PRSS12: variants seen among roughly 807,000 people sequenced by gnomAD.
The protein encoded by PRSS12 is serine protease 12.
A neutral mutation model predicts 104.4 loss-of-function variants in PRSS12; 85 were observed. The ratio of observed to expected loss-of-function variants is 0.81; its 90% confidence interval spans 0.68 to 0.98. PRSS12 has a LOEUF of 0.98. PRSS12 is among the 50% of genes least tolerant of loss of function. PRSS12 has a pLI of 0.00. For synonymous variants in PRSS12, 454 were observed against 425.2 expected (o/e 1.07, Z -0.83); for missense variants, 1,141 against 1,139.2 (o/e 1.00, Z -0.02).
chr4:118,326,785 A>T (rs564733432), intron 4 of PRSS12, among the ~76,000 whole-genome samples: 6 of 152,224 alleles, frequency 3.9e-5, no homozygotes, highest in African/African-American at 1.4e-4. Context: ...ATATTGTGTA[A>T]TCTCAGTGGG....
At chr4:118,291,629 T>C (rs1033420535) in intron 11 of PRSS12, among the ~76,000 whole-genome samples, 1 of 152,176 alleles carries the variant, frequency 6.6e-6, no homozygotes. Context: ...CCTTTTCTCA[T>C]TGTGTGGCAC....
At chr4:118,336,223 C>CA (rs2126042078) in intron 2 of PRSS12, among the ~76,000 whole-genome samples, 2 of 152,256 alleles carry the variant, frequency 1.3e-5, no homozygotes, top group South Asian at 2.1e-4. Flanking sequence ...TATTTGCTAG[C>CA]AAGCCTTTGA....
rs930695533 is a variant in PRSS12, at chr4:118,352,954, C to G, written c.-234G>C. On this transcript the variant is annotated 5_prime_UTR_variant, in exon 1 of 13. Coordinates refer to ENST00000296498, the MANE Select transcript of PRSS12 (RefSeq NM_003619.4). ...CGGGTGGGGAAATCTGGAGCTCAGC[C>G]GAGCCCCGGCCGGCGGAGAGGACCG... The G allele has an allele frequency of 1.8e-6, 2 of 1,133,590 alleles. No homozygotes were observed. Among genetic ancestry groups the G allele is most frequent in the African/African-American group, 3.3e-5 (2 of 60,024 alleles). 70.2% of individuals were successfully genotyped at this position (1,133,590 alleles called of 1,614,324 possible).
intron 8 of PRSS12, among the ~76,000 whole-genome samples, chr4:118,303,110 T>G (rs1231803230): frequency 6.6e-6 from 1 of 151,976 alleles, no homozygotes; most frequent in Non-Finnish European, 1.5e-5. Flanking sequence ...TTTTTGAAAT[T>G]ATTAAGAAAG....
intron 4 of PRSS12, among the ~76,000 whole-genome samples, chr4:118,326,745 G>C (rs1367112756): frequency 1.3e-5 from 2 of 152,056 alleles, no homozygotes; most frequent in East Asian, 3.9e-4. Flanking sequence ...TAAACCTCAA[G>C]ACTCTGCCTC....
rs114403234 is a variant in PRSS12, at chr4:118,301,890, T to C, written c.1632-2952A>G. On this transcript the variant is annotated intron_variant, in intron 8 of 12. Coordinates refer to ENST00000296498, the MANE Select transcript of PRSS12 (RefSeq NM_003619.4). ...TAGGTGAACAATCATATTATTCATA[T>C]AAATATTCTGACCCTTCCTTTTCAA... Among the ~76,000 whole-genome samples, 362 of 152,338 alleles carry C rather than the reference T, an allele frequency of 2.4e-3. 2 individuals are homozygous for C. The highest frequency in any genetic ancestry group is 8.4e-3 in the African/African-American group (349 of 41,578).
intron 9 of PRSS12, 36 bp from the exon 10 acceptor site, chr4:118,295,892 A>T: frequency 6.4e-7 from 1 of 1,556,796 alleles, no homozygotes; most frequent in East Asian, 2.2e-5. Context: ...AAACTATCAC[A>T]TTGCTGACAG....
rs1742833086 is a variant in PRSS12 at position 118,280,994 on chromosome 4, T to C, written c.*942A>G. 6.6e-6 allele frequency: 1 copy of C among 152,244 alleles called. No homozygotes were observed. The highest frequency in any genetic ancestry group is 2.4e-5 in the African/African-American group (1 of 41,464). 9.4% of individuals were successfully genotyped at this position (152,244 alleles called of 1,614,324 possible). A position where few individuals can be genotyped will look rare whatever the true frequency, so the allele number is the denominator to read the frequency against. ...ATAACTGCTGTATGTATTAGAACTT[T>C]TCAATGTGTAGGCCAGGAAAGCATT... On this transcript the variant is annotated 3_prime_UTR_variant, in exon 13 of 13. Coordinates refer to ENST00000296498, the MANE Select transcript of PRSS12 (RefSeq NM_003619.4).
intron 7 of PRSS12, among the ~76,000 whole-genome samples, chr4:118,312,565 T>C (rs933067199): frequency 1.1e-4 from 17 of 152,182 alleles, no homozygotes; most frequent in African/African-American, 4.1e-4. Context: ...TATAATTATT[T>C]CAATACAGTT....
chr4:118,300,293 G>T (rs1050336032), intron 8 of PRSS12, among the ~76,000 whole-genome samples: 1 of 152,146 alleles, frequency 6.6e-6, no homozygotes, highest in Non-Finnish European at 1.5e-5. Context: ...GATTACAGGA[G>T]TGAGTTACCA....
intron 10 of PRSS12, 89 bp from the exon 11 acceptor site, chr4:118,295,150 T>C: frequency 1.3e-6 from 2 of 1,502,198 alleles, no homozygotes; most frequent in Non-Finnish European, 9.1e-7. Context: ...TTAATAACTT[T>C]AATGCCTTGC....
chr4:118,325,495 A>T (rs1723748140), intron 4 of PRSS12, among the ~76,000 whole-genome samples: 1 of 152,136 alleles, frequency 6.6e-6, no homozygotes, highest in Admixed American at 6.5e-5. Context: ...AATGTAACAC[A>T]AAATCAGGTT....
chr4:118,352,355 C>A lies in PRSS12; in HGVS notation c.366G>T (p.Ser122=), dbSNP rs1724532535. Residue 122 remains serine (S), a synonymous_variant, in exon 1 of 13, where the codon TCG becomes TCT. Coordinates refer to ENST00000296498, the MANE Select transcript of PRSS12 (RefSeq NM_003619.4). The part of the protein sequence containing the change: ...WAEVPPFLER[S]PPASWAQLRG... ...GCAGCTGAGCCCAGCTCGCTGGGGG[C>A]GACCGCTCCAGGAAGGGTGGCACCT... is the stretch of plus-strand genomic sequence containing the variant. The A allele has an allele frequency of 2.5e-6, 4 of 1,569,820 alleles. No homozygotes were observed. The East Asian group carries it at 9.2e-5, about 36-fold the overall frequency.
chr4:118,308,330 G>C (rs1359383439), intron 8 of PRSS12, 106 bp downstream of exon 8: 4 of 1,453,422 alleles, frequency 2.8e-6, no homozygotes, highest in Non-Finnish European at 3.8e-6. Context: ...ATTTTCAAAT[G>C]AATGACAGAA....
In PRSS12 at chr4:118,331,746, G is replaced by T. The variant is rs768299954; in HGVS notation, c.941C>A (p.Ala314Glu). ...VCDDQWDDAD[A>E]EVICRQLGLS... ...GCCCAGCTGCCTGCAGATCACTTCT[G>T]CATCGGCATCATCCCATTGGTCATC... Residue 314 changes from alanine (A) to glutamate (E), a missense_variant, in exon 4 of 13, where the codon GCA becomes GAA. Ala to Glu is a moderately radical substitution (Grantham distance 107, BLOSUM62 -1). Transcript: ENST00000296498. 21 of 1,614,010 alleles carry T rather than the reference G, an allele frequency of 1.3e-5. No individual in the cohort carries two copies. Among genetic ancestry groups the T allele is most frequent in the Non-Finnish European group, 1.8e-5 (21 of 1,180,024 alleles).
Position 118,352,714 on chromosome 4 carries a change from G to C in PRSS12, c.7C>G (p.Leu3Val), listed in dbSNP as rs1194893608. 4 of 1,612,772 alleles carry C rather than the reference G, an allele frequency of 2.5e-6. No individual in the cohort carries two copies. Among genetic ancestry groups the C allele is most frequent in the Non-Finnish European group, 3.4e-6 (4 of 1,179,350 alleles). ...ATCAGGGCTAGCACGAAGCGGGCGA[G>C]CGTCATGGTGCCAGCGCTGCGGGGT... MT[L>V]ARFVLALMLG... Residue 3 changes from leucine (L) to valine (V), a missense_variant, in exon 1 of 13, where the codon CTC becomes GTC. By Grantham distance (32) the Leu-to-Val change is conservative. Transcript: ENST00000296498.
intron 9 of PRSS12, among the ~76,000 whole-genome samples, chr4:118,298,343 C>G (rs971532460): frequency 6.6e-6 from 1 of 152,082 alleles, no homozygotes; most frequent in Non-Finnish European, 1.5e-5. Flanking sequence ...ATTAGTAAGA[C>G]TTTAGAAATG....
rs778990240 is a variant in PRSS12, at chr4:118,352,711, C to A, written c.10G>T (p.Ala4Ser). Residue 4 changes from alanine (A) to serine (S), a missense_variant, in exon 1 of 13, where the codon GCC (alanine) becomes TCC (serine). Coordinates refer to ENST00000296498, the MANE Select transcript of PRSS12 (RefSeq NM_003619.4). ...AACATCAGGGCTAGCACGAAGCGGG[C>A]GAGCGTCATGGTGCCAGCGCTGCGG... Reference protein sequence around the residue: MTLARFVLALMLGA... With the variant: MTLSRFVLALMLGA... 24 of 1,612,054 alleles carry A rather than the reference C, an allele frequency of 1.5e-5. 1 individual carries two copies. The South Asian group carries it at 2.6e-4, about 18-fold the overall frequency.
At chr4:118,308,064 GAACC>G (rs1352339968) in intron 8 of PRSS12, among the ~76,000 whole-genome samples, 2 of 152,132 alleles carry the variant, frequency 1.3e-5, no homozygotes, top group Non-Finnish European at 2.9e-5. Context: ...AGAAAAATGA[GAACC>G]AACAGTAATT....
Sources: allele counts gnomAD v4.1 joint callset (sites outside exome capture counted in the v4.1 genomes callset), GRCh38; gene constraint gnomAD v4.1.1; transcripts MANE v1.5; gene names NCBI Gene and HGNC (gene_info 2026-07-23, HGNC 2026-07-21).